The following CCNF variants were observed in gnomAD, a reference collection of about 807,000 sequenced individuals.
The protein encoded by CCNF is cyclin-F.
Under a neutral mutation model 85.4 loss-of-function variants are expected in CCNF, and 30 were observed. That is an observed-to-expected ratio of 0.35 (90% CI 0.26 to 0.48). The LOEUF is 0.48. CCNF is among the 20% of genes least tolerant of loss of function. The probability of loss-of-function intolerance (pLI) is 0.99; values close to 1 mark genes in which losing one functional copy is unlikely to be tolerated. For missense variants in CCNF, 919 were observed against 1,010.4 expected, an observed-to-expected ratio of 0.91 and a Z score of 1.23; for synonymous variants, 439 against 425.1, an observed-to-expected ratio of 1.03 and a Z score of -0.40.
rs933359333 is a variant in CCNF, at chr16:2,457,169, G to A, written c.*149G>A. ...TTGCGGCCACCAAGTTTCTGTCTCC[G>A]CGGGAGTCCCGTGCAAGCCATCAGA... On this transcript the variant is annotated 3_prime_UTR_variant, in exon 17 of 17. Transcript: ENST00000397066. The A allele has an allele frequency of 1.7e-6, 1 of 601,140 alleles. No individual in the cohort carries two copies. Among genetic ancestry groups the A allele is most frequent in the South Asian group, 2.3e-5 (1 of 43,978 alleles). The allele number at this position is 601,140 out of a possible 1,614,324, so 37.2% of individuals were successfully genotyped here. A position where few individuals can be genotyped will look rare whatever the true frequency, so the allele number is the denominator to read the frequency against.
chr16:2,449,004 T>C (rs772904662), intron 11 of CCNF, 26 bp downstream of exon 11: 2 of 1,611,588 alleles, frequency 1.2e-6, no homozygotes, highest in Non-Finnish European at 8.5e-7. Flanking sequence ...ATTTTCCTTA[T>C]TAATCTTCGT....
At chr16:2,450,242 G>A (rs368809136) in intron 13 of CCNF, among the ~76,000 whole-genome samples, 44 of 146,662 alleles carry the variant, frequency 3.0e-4, no homozygotes, top group African/African-American at 1.1e-3. Context: ...GCTCACACCT[G>A]TAATCCCAGC....
intron 8 of CCNF, among the ~76,000 whole-genome samples, chr16:2,440,043 G>A (rs1596919297): frequency 1.3e-5 from 2 of 152,322 alleles, no homozygotes; most frequent in East Asian, 3.9e-4. Context: ...ATTCATCTCT[G>A]CCTATCCACT....
At position 2,431,159 on chromosome 16, in the gene CCNF, T is replaced by C. The variant is rs2065260479; in HGVS notation, c.46T>C (p.Cys16Arg). 6.2e-7 allele frequency: 1 copy of C among 1,614,036 alleles called. No homozygotes were observed. The highest frequency in any genetic ancestry group is 2.2e-5 in the East Asian group (1 of 44,896). ...VVHCRCAKCF[C>R]YPTKRRIRRR... ...CCACTGTAGGTGTGCCAAGTGTTTC[T>C]GTTATCCTACAAAGCGAAGAATAAG... is the stretch of plus-strand genomic sequence containing the variant. The change falls in exon 2 of 17, where the codon TGT becomes CGT. Residue 16 changes from cysteine to arginine, a missense_variant. Around this residue, in one of 3 missense-constraint regions of CCNF, gnomAD observed 410 missense variants for 478.6 expected, o/e 0.86. Transcript: ENST00000397066.
chr16:2,455,622 G>A (rs569104530), intron 16 of CCNF, 58 bp downstream of exon 16: 84 of 1,530,538 alleles, frequency 5.5e-5, no homozygotes, highest in South Asian at 1.0e-4. Flanking sequence ...GGCTCTCACC[G>A]AGGGCCTCTG....
intron 12 of CCNF, among the ~76,000 whole-genome samples, 170 bp from the exon 13 acceptor site, chr16:2,449,658 T>C (rs920188026): frequency 2.0e-5 from 3 of 152,134 alleles, no homozygotes; most frequent in African/African-American, 4.8e-5. Context: ...TGGGTTTTTT[T>C]CAAAACTATT....
chr16:2,453,182 T>C lies in CCNF; in HGVS notation c.1488-28T>C. The C allele has an allele frequency of 1.2e-6, 2 of 1,603,362 alleles. No homozygotes were observed. Among genetic ancestry groups the C allele is most frequent in the East Asian group, 2.2e-5 (1 of 44,826 alleles). Reference sequence around the variant, plus strand: ...AAAAATGGGGTGGGGGTGCCTCACATGTCCACTCCACGTGACTCTGTTTCC... The same window carrying C: ...AAAAATGGGGTGGGGGTGCCTCACACGTCCACTCCACGTGACTCTGTTTCC... On this transcript the variant is annotated intron_variant, in intron 13 of 16. Coordinates refer to ENST00000397066, the MANE Select transcript of CCNF (RefSeq NM_001761.3). This position sits in a 1 kb window ranked among gnomAD's most constrained non-coding sequence, Gnocchi z 5.6.
rs2065399189 is a variant in CCNF at position 2,452,253 on chromosome 16, T to C, written c.1488-957T>C. Among the ~76,000 whole-genome samples the C allele has an allele frequency of 6.6e-6, 1 of 152,176 alleles. No individual in the cohort carries two copies. The highest frequency in any genetic ancestry group is 1.5e-5 in the Non-Finnish European group (1 of 68,018). The stretch of plus-strand genomic sequence containing the variant: ...CTTGAGCAGCCCCTTCTGTGGCCCA[T>C]CTGCTTTTTCTCCCACCATGCTGTG... On this transcript the variant is annotated intron_variant, in intron 13 of 16. Transcript: ENST00000397066. This position sits in a 1 kb window ranked among gnomAD's most constrained non-coding sequence, Gnocchi z 4.1.
intron 8 of CCNF, among the ~76,000 whole-genome samples, chr16:2,440,310 C>T (rs1193804738): frequency 1.3e-5 from 2 of 152,078 alleles, no homozygotes. Flanking sequence ...GTAGACTCTC[C>T]CCTCACAGCT....
At chr16:2,436,981 C>CA (rs2065294313) in intron 4 of CCNF, 148 bp from the exon 5 acceptor site, 2 of 560,934 alleles carry the variant, frequency 3.6e-6, no homozygotes, top group Non-Finnish European at 3.0e-6. Context: ...CAGGTGCCCC[C>CA]ATCCTGGAGG....
In CCNF at chr16:2,437,134, G is replaced by T. The variant is rs1214815214; in HGVS notation, c.352G>T (p.Val118Leu). The T allele has an allele frequency of 1.3e-6, 2 of 1,592,068 alleles. No individual in the cohort carries two copies. The highest frequency in any genetic ancestry group is 2.3e-5 in the South Asian group (2 of 88,678). Residue 118 changes from valine (V) to leucine (L), a missense_variant, in exon 5 of 17, where the codon GTG (valine) becomes TTG (leucine). This residue lies in a region of CCNF where 410 missense variants were observed against 478.6 expected (regional missense o/e 0.86). Coordinates refer to ENST00000397066, the MANE Select transcript of CCNF (RefSeq NM_001761.3). ...TGTCCTGTCTGTCCCCGCAGTGTCT[G>T]TGTCTGATGAGGCCCGCGCAGAAGT... Reference protein sequence around the residue: ...IAYLYNEGLSVSDEARAEVNG... With the variant: ...IAYLYNEGLSLSDEARAEVNG...
chr16:2,435,596 G>T lies in CCNF; in HGVS notation c.279-210G>T, dbSNP rs1376382171. Among the ~76,000 whole-genome samples the T allele has an allele frequency of 1.3e-3, 192 of 147,416 alleles. 1 individual carries two copies. Among genetic ancestry groups the T allele is most frequent in the African/African-American group, 2.0e-3 (81 of 40,240 alleles). On this transcript the variant is annotated intron_variant, in intron 3 of 16. Coordinates refer to ENST00000397066, the MANE Select transcript of CCNF (RefSeq NM_001761.3). Reference sequence around the variant, plus strand: ...CAAGACCCTGTCTCAGAGAGAGAGAGATATATATATATATATGCACACACA... The same window carrying T: ...CAAGACCCTGTCTCAGAGAGAGAGATATATATATATATATATGCACACACA...
chr16:2,432,946 C>A lies in CCNF; in HGVS notation c.172-15C>A. The A allele has an allele frequency of 6.4e-7, 1 of 1,554,384 alleles. No homozygotes were observed. The highest frequency in any genetic ancestry group is 8.9e-7 in the Non-Finnish European group (1 of 1,129,640). On this transcript the variant is annotated splice_polypyrimidine_tract_variant and intron_variant, in intron 2 of 16. Transcript: ENST00000397066. ...GTGCCTCCATCACCCAGCCCCGGCC[C>A]CCGTTGTTCTGCAGGTACACTCCCA...
rs1192359277 is a variant in CCNF at position 2,443,815 on chromosome 16, C to T, written c.929+15C>T. On this transcript the variant is annotated intron_variant, in intron 9 of 16. Coordinates refer to ENST00000397066, the MANE Select transcript of CCNF (RefSeq NM_001761.3). ...GACACAATGAGGTGAGGCATTCAGGCCGGGGCTTCTAATCAGAGCGGCGCG... is the reference window on the plus strand; with the variant it reads ...GACACAATGAGGTGAGGCATTCAGGTCGGGGCTTCTAATCAGAGCGGCGCG... 2 of 1,613,294 alleles carry T rather than the reference C, an allele frequency of 1.2e-6. No individual in the cohort carries two copies. Among genetic ancestry groups the T allele is most frequent in the Middle Eastern group, 1.7e-4 (1 of 6,012 alleles).
intron 8 of CCNF, among the ~76,000 whole-genome samples, chr16:2,441,326 G>T (rs1486674713): frequency 6.6e-6 from 1 of 151,988 alleles, no homozygotes; most frequent in Non-Finnish European, 1.5e-5. Flanking sequence ...AGCCTGCGAG[G>T]TCAAAGCTGC....
rs550490927 is a variant in CCNF, at chr16:2,440,225, T to G, written c.777+399T>G. The stretch of plus-strand genomic sequence containing the variant: ...TGGAGAGTCCCTTCCTGCTTCCTCT[T>G]CCTGTTAGCGCCTTGCTTGTCATGT... On this transcript the variant is annotated intron_variant, in intron 8 of 16. Transcript: ENST00000397066. Among the ~76,000 whole-genome samples, 12 of 152,304 alleles carry G rather than the reference T, an allele frequency of 7.9e-5. No individual in the cohort carries two copies. In the South Asian group the frequency reaches 2.5e-3, roughly 32 times the overall value.
Position 2,437,233 on chromosome 16 carries a change from C to G in CCNF, c.451C>G (p.Leu151Val). The G allele has an allele frequency of 6.2e-7, 1 of 1,612,876 alleles. No individual in the cohort carries two copies. Among genetic ancestry groups the G allele is most frequent in the Non-Finnish European group, 8.5e-7 (1 of 1,179,610 alleles). ...TGTGGGTGCCGCACCTTTCATCTGG[C>G]TCTTCATCCGCCCTCCGTGGTCGGT... ...LNVGAAPFIW[L>V]FIRPPWSVSG... The change falls in exon 5 of 17, where the codon CTC (leucine) becomes GTC (valine). Residue 151 changes from leucine (L) to valine (V), a missense_variant. By Grantham distance (32) the Leu-to-Val change is conservative. Around this residue, in one of 3 missense-constraint regions of CCNF, gnomAD observed 410 missense variants for 478.6 expected, o/e 0.86. Transcript: ENST00000397066.
In CCNF at chr16:2,458,297, C is replaced by G. The variant is rs968307347; in HGVS notation, c.*1277C>G. ...GGAGACAGTTTTGCTCTTGTCTCCC[C>G]GGCTGGAGTGCAGTGGCATGATCTC... is the stretch of plus-strand genomic sequence containing the variant. On this transcript the variant is annotated 3_prime_UTR_variant, in exon 17 of 17. Transcript: ENST00000397066. The G allele has an allele frequency of 2.0e-5, 3 of 150,582 alleles. No individual in the cohort carries two copies. Among genetic ancestry groups the G allele is most frequent in the Non-Finnish European group, 2.9e-5 (2 of 67,822 alleles). 9.3% of individuals were successfully genotyped at this position (150,582 alleles called of 1,614,324 possible).
At chr16:2,455,653 C>A in intron 16 of CCNF, 89 bp downstream of exon 16, 5 of 1,463,256 alleles carry the variant, frequency 3.4e-6, no homozygotes, top group Non-Finnish European at 4.5e-6. Context: ...CCTGTGCGAG[C>A]GCTGTGGGAG....
Sources: allele counts gnomAD v4.1 joint callset (sites outside exome capture counted in the v4.1 genomes callset), GRCh38; gene constraint gnomAD v4.1.1; regional missense constraint gnomAD v4.1.1; non-coding constraint Gnocchi (gnomAD v3.1); transcripts MANE v1.5; gene names NCBI Gene and HGNC (gene_info 2026-07-23, HGNC 2026-07-21).